The following PREP variants were observed in gnomAD, a reference collection of about 807,000 sequenced individuals.
PREP encodes dJ355L5.1 (prolyl endopeptidase).
In PREP, 29 loss-of-function variants were observed where a neutral mutation model predicts 87.6. The ratio of observed to expected loss-of-function variants is 0.33; its 90% CI spans 0.25 to 0.45. PREP has a LOEUF of 0.45. PREP is among the 20% of genes least tolerant of loss of function. PREP has a pLI of 1.00. For synonymous variants in PREP, 337 were observed against 328.6 expected, an observed-to-expected ratio of 1.03 and a Z score of -0.28; for missense variants, 695 against 886.5, an observed-to-expected ratio of 0.78 and a Z score of 2.74.
chr6:105,369,110 T>A (rs187647856), intron 5 of PREP, 86 bp from the exon 6 acceptor site: 2 of 1,396,084 alleles, frequency 1.4e-6, no homozygotes, highest in East Asian at 4.6e-5. Context: ...GCTAGACACA[T>A]TTAACAAGTA....
At chr6:105,323,812 A>T in intron 9 of PREP, 44 bp from the exon 10 acceptor site, 2 of 1,486,762 alleles carry the variant, frequency 1.3e-6, no homozygotes, top group Non-Finnish European at 1.9e-6. Flanking sequence ...GGGACTCACT[A>T]GATTCAAAGG....
intron 7 of PREP, among the ~76,000 whole-genome samples, chr6:105,351,740 T>A (rs1305288789): frequency 6.6e-6 from 1 of 152,232 alleles, no homozygotes; most frequent in Non-Finnish European, 1.5e-5. Flanking sequence ...CTCAGTTCTA[T>A]GAAGACCTAT....
intron 2 of PREP, among the ~76,000 whole-genome samples, chr6:105,383,850 T>A (rs549019208): frequency 6.6e-6 from 1 of 152,170 alleles, no homozygotes; most frequent in African/African-American, 2.4e-5. Flanking sequence ...TATACTTTCC[T>A]GACCAAAAAC....
intron 6 of PREP, among the ~76,000 whole-genome samples, chr6:105,361,703 T>A (rs1772250698): frequency 6.6e-6 from 1 of 152,248 alleles, no homozygotes; most frequent in Admixed American, 6.5e-5. Context: ...ATTTATTTTA[T>A]ATAAATCTTT....
intron 9 of PREP, among the ~76,000 whole-genome samples, chr6:105,327,883 CA>C (rs1194504532): frequency 6.6e-6 from 1 of 151,862 alleles, no homozygotes; most frequent in African/African-American, 2.4e-5. Context: ...CATGACGCTA[CA>C]AAAACAGTGC....
At chr6:105,347,193 G>A (rs1394178916) in intron 7 of PREP, among the ~76,000 whole-genome samples, 1 of 152,136 alleles carries the variant, frequency 6.6e-6, no homozygotes, top group African/African-American at 2.4e-5. Context: ...GAAAACAGAA[G>A]AGAGAGGAAG....
intron 6 of PREP, among the ~76,000 whole-genome samples, chr6:105,365,450 TC>T (rs1396375539): frequency 6.6e-6 from 1 of 152,208 alleles, no homozygotes; most frequent in Admixed American, 6.5e-5. Context: ...AAGATTTTTT[TC>T]ATGATCCAGA....
intron 6 of PREP, among the ~76,000 whole-genome samples, chr6:105,366,734 G>C (rs112876112): frequency 1.3e-5 from 2 of 150,838 alleles, no homozygotes; most frequent in African/African-American, 4.9e-5. Context: ...CACACACATG[G>C]AATATTGTTC....
intron 11 of PREP, among the ~76,000 whole-genome samples, chr6:105,286,083 A>G (rs1323499584): frequency 6.6e-6 from 1 of 152,192 alleles, no homozygotes; most frequent in Non-Finnish European, 1.5e-5. Flanking sequence ...GGCAAAGCTA[A>G]TATGTTCTCA....
At chr6:105,393,414 G>A (rs1773209789) in intron 2 of PREP, among the ~76,000 whole-genome samples, 1 of 152,030 alleles carries the variant, frequency 6.6e-6, no homozygotes, top group Non-Finnish European at 1.5e-5. Flanking sequence ...TAGAGGGAGA[G>A]TTGAATCTGG....
At chr6:105,337,758 A>C (rs1255228410) in intron 7 of PREP, among the ~76,000 whole-genome samples, 1 of 152,194 alleles carries the variant, frequency 6.6e-6, no homozygotes, top group African/African-American at 2.4e-5. Flanking sequence ...ATGCTTTATA[A>C]ATTTTTTACA....
At chr6:105,379,710 C>T (rs572312366) in intron 2 of PREP, among the ~76,000 whole-genome samples, 1 of 152,312 alleles carries the variant, frequency 6.6e-6, no homozygotes, top group South Asian at 2.1e-4. Flanking sequence ...CATCAGGGAG[C>T]TGAAGCATCC....
At chr6:105,308,693 T>C (rs534778804) in intron 10 of PREP, among the ~76,000 whole-genome samples, 43 of 152,296 alleles carry the variant, frequency 2.8e-4, no homozygotes, top group South Asian at 6.2e-4. Context: ...TATAGGTTTC[T>C]GGCAACAACC....
chr6:105,342,000 T>C (rs1027436313), intron 7 of PREP, among the ~76,000 whole-genome samples: 9 of 152,128 alleles, frequency 5.9e-5, no homozygotes, highest in African/African-American at 1.2e-4. Flanking sequence ...TTCCAATCAA[T>C]AGAAAAAGAG....
intron 10 of PREP, chr6:105,302,855 G>A (rs1419996441): frequency 4.4e-5 from 15 of 338,502 alleles, no homozygotes; most frequent in Admixed American, 2.8e-4. Context: ...CGCCTGCTCC[G>A]AGGGCTAAAT....
At chr6:105,380,481 C>T (rs976419627) in intron 2 of PREP, among the ~76,000 whole-genome samples, 2 of 152,124 alleles carry the variant, frequency 1.3e-5, no homozygotes, top group Non-Finnish European at 2.9e-5. Flanking sequence ...GGACAGAGAA[C>T]AGACTATAGG....
rs1429053779 is a variant in PREP at position 105,350,688 on chromosome 6, A to AT, written c.823+2283dup. On this transcript the variant is annotated intron_variant, in intron 7 of 14. Transcript: ENST00000652536. ...TCTCTAACCCTGTCCCGCACCATTG[A>AT]TTTTTGAACCTAAGAATGAAAACTG... Among the ~76,000 whole-genome samples, 5 of 152,312 alleles carry AT rather than the reference A, an allele frequency of 3.3e-5. No homozygotes were observed. In the East Asian group the frequency reaches 9.6e-4, roughly 29 times the overall value.
intron 12 of PREP, among the ~76,000 whole-genome samples, chr6:105,285,250 C>T (rs1220814496): frequency 2.6e-5 from 4 of 152,154 alleles, no homozygotes; most frequent in African/African-American, 9.7e-5. Context: ...ACAAGGAATG[C>T]TTCTGAAAAA....
chr6:105,379,129 A>G (rs1583096598), intron 2 of PREP, among the ~76,000 whole-genome samples: 1 of 152,252 alleles, frequency 6.6e-6, no homozygotes. Context: ...GATTTCATTT[A>G]AACAGAAAAT....
Sources: gnomAD v4.1 joint callset for allele counts (sites outside exome capture counted in the v4.1 genomes callset) on GRCh38, gnomAD v4.1.1 for gene constraint, MANE v1.5 for transcripts, NCBI Gene and HGNC (gene_info 2026-07-23, HGNC 2026-07-21) for gene names.